The following RALGAPA1 variants were observed in gnomAD, a reference collection of about 807,000 sequenced individuals.
The protein encoded by RALGAPA1 is ral GTPase-activating protein subunit alpha-1.
In RALGAPA1, 52 loss-of-function variants were observed where a neutral mutation model predicts 269.6. The ratio of observed to expected loss-of-function variants is 0.19; its 90% CI spans 0.15 to 0.24. The LOEUF is 0.24. Among genes scored for constraint, RALGAPA1 ranks in the 10% least tolerant of loss-of-function variants. RALGAPA1 has a pLI of 1.00. For synonymous variants in RALGAPA1, 817 were observed against 1,008.3 expected (o/e 0.81, Z 3.60); for missense variants, 1,917 against 3,013.9 (o/e 0.64, Z 8.52).
At chr14:35,648,251 T>C (rs1463301694) in intron 31 of RALGAPA1, among the ~76,000 whole-genome samples, 1 of 151,632 alleles carries the variant, frequency 6.6e-6, no homozygotes, top group Non-Finnish European at 1.5e-5. Flanking sequence ...GAGCCGAGAT[T>C]GTGCCACTAC....
At chr14:35,768,488 G>C (rs2074329536) in intron 4 of RALGAPA1, among the ~76,000 whole-genome samples, 2 of 151,946 alleles carry the variant, frequency 1.3e-5, no homozygotes, top group African/African-American at 4.8e-5. Flanking sequence ...CCGGAGGTTT[G>C]AGACCAGCCT....
intron 17 of RALGAPA1, 90 bp from the exon 18 acceptor site, chr14:35,690,093 T>C: frequency 1.0e-6 from 1 of 966,458 alleles, no homozygotes; most frequent in Non-Finnish European, 1.5e-6. Context: ...GCATATGCTT[T>C]AAAAAAAATC....
intron 11 of RALGAPA1, among the ~76,000 whole-genome samples, chr14:35,741,639 G>A (rs931600153): frequency 8.5e-5 from 13 of 152,060 alleles, no homozygotes; most frequent in Admixed American, 7.9e-4. Flanking sequence ...TGTATCAATC[G>A]CAGACAACTT....
Position 35,756,882 on chromosome 14 carries a change from G to A in RALGAPA1, c.574C>T (p.Pro192Ser). 6.2e-7 allele frequency: 1 copy of A among 1,610,762 alleles called. No homozygotes were observed. The highest frequency in any genetic ancestry group is 8.5e-7 in the Non-Finnish European group (1 of 1,178,328). Residue 192 changes from proline to serine, a missense_variant, in exon 7 of 42, where the codon CCT becomes TCT. Around this residue, in one of 11 missense-constraint regions of RALGAPA1, gnomAD observed 462 missense variants for 725.6 expected, o/e 0.64. Transcript: ENST00000680220. ...TCTCCTGATTGTGGGGGGACAAGAG[G>A]AGTGATTTCTTCTATAGTGACTTGA... ...ETQVTIEEITPLVPPQSGDKG... is the reference protein window; with the variant it reads ...ETQVTIEEITSLVPPQSGDKG...
At chr14:35,664,333 A>C (rs2063764024) in intron 27 of RALGAPA1, among the ~76,000 whole-genome samples, 1 of 152,230 alleles carries the variant, frequency 6.6e-6, no homozygotes, top group Non-Finnish European at 1.5e-5. Context: ...TTAATCTCAG[A>C]AGCTTTACAT....
At chr14:35,629,282 G>T (rs74041558) in intron 33 of RALGAPA1, among the ~76,000 whole-genome samples, 689 of 145,428 alleles carry the variant, frequency 4.7e-3, no homozygotes, top group African/African-American at 0.016. Context: ...ATGTTTAGGG[G>T]GTGTGTGTGT....
intron 25 of RALGAPA1, 105 bp downstream of exon 25, chr14:35,672,760 GGA>G (rs752633683): frequency 9.6e-7 from 1 of 1,039,118 alleles, no homozygotes; most frequent in Non-Finnish European, 1.3e-6. Context: ...TAAATAAGGG[GGA>G]GAGTTTAACT....
At chr14:35,657,184 T>C (rs181579966) in intron 28 of RALGAPA1, among the ~76,000 whole-genome samples, 79 of 151,824 alleles carry the variant, frequency 5.2e-4, no homozygotes, top group African/African-American at 1.8e-3. Flanking sequence ...TTTTTCTTTT[T>C]CTTTTTTCTT....
At chr14:35,660,432 G>A (rs956966153) in intron 27 of RALGAPA1, among the ~76,000 whole-genome samples, 4 of 151,792 alleles carry the variant, frequency 2.6e-5, no homozygotes, top group African/African-American at 7.3e-5. Flanking sequence ...AAAATACTTA[G>A]GAATACGTAT....
At chr14:35,575,938 A>T (rs528809888) in intron 37 of RALGAPA1, among the ~76,000 whole-genome samples, 1 of 152,308 alleles carries the variant, frequency 6.6e-6, no homozygotes, top group African/African-American at 2.4e-5. Flanking sequence ...ACATCTTAAT[A>T]CTAAGCTAAA....
intron 37 of RALGAPA1, 49 bp downstream of exon 37, chr14:35,595,585 C>CT: frequency 5.3e-6 from 8 of 1,497,632 alleles, no homozygotes; most frequent in Non-Finnish European, 7.4e-6. Flanking sequence ...TCTGTATTAA[C>CT]TGTCTCAATT....
chr14:35,594,227 C>T (rs1372641181), intron 37 of RALGAPA1, among the ~76,000 whole-genome samples: 1 of 152,048 alleles, frequency 6.6e-6, no homozygotes, highest in East Asian at 1.9e-4. Context: ...ATTTTTTGGA[C>T]ATCACACCAA....
At chr14:35,678,380 T>C (rs1431037191) in intron 21 of RALGAPA1, among the ~76,000 whole-genome samples, 1 of 152,160 alleles carries the variant, frequency 6.6e-6, no homozygotes, top group African/African-American at 2.4e-5. Flanking sequence ...TACTCCCATT[T>C]CTGGCCCAGC....
At chr14:35,708,188 A>G (rs935430296) in intron 16 of RALGAPA1, among the ~76,000 whole-genome samples, 3 of 152,186 alleles carry the variant, frequency 2.0e-5, no homozygotes, top group African/African-American at 7.2e-5. Flanking sequence ...ACTCTCCAGG[A>G]CAATGAAGCA....
intron 12 of RALGAPA1, among the ~76,000 whole-genome samples, chr14:35,735,440 T>C (rs2070888891): frequency 6.6e-6 from 1 of 152,178 alleles, no homozygotes; most frequent in African/African-American, 2.4e-5. Flanking sequence ...ACTATTATTC[T>C]AAGTGAAGTA....
intron 31 of RALGAPA1, among the ~76,000 whole-genome samples, chr14:35,642,616 C>T (rs7147600): frequency 0.33 from 50,724 of 151,934 alleles, 11,371 homozygotes; most frequent in African/African-American, 0.63. Flanking sequence ...TCAGTTAAAA[C>T]GGGTTTTATC....
intron 1 of RALGAPA1, among the ~76,000 whole-genome samples, chr14:35,802,810 T>TGACTGGGATCCCAGGC (rs932456081): frequency 8.6e-5 from 13 of 151,912 alleles, no homozygotes; most frequent in African/African-American, 3.1e-4. Context: ...GCCTCCCAGG[T>TGACTGGGATCCCAGGC]GACTGGGATC....
Position 35,684,959 on chromosome 14 carries a change from C to A in RALGAPA1, c.4264G>T (p.Ala1422Ser). Residue 1422 changes from alanine (A) to serine (S), a missense_variant, in exon 20 of 42, where the codon GCT becomes TCT. By Grantham distance (99) the Ala-to-Ser change is moderately conservative. Coordinates refer to ENST00000680220, the MANE Select transcript of RALGAPA1 (RefSeq NM_001346249.2). ...SSDSHSDSFS[A>S]FQYDGRKFDN... ...AATTTTCGGCCATCATATTGGAAAGCGCTGAAAGAATCCGAATGACTATCT... is the reference window on the plus strand; with the variant it reads ...AATTTTCGGCCATCATATTGGAAAGAGCTGAAAGAATCCGAATGACTATCT... The A allele has an allele frequency of 6.2e-7, 1 of 1,613,282 alleles. No homozygotes were observed. Among genetic ancestry groups the A allele is most frequent in the East Asian group, 2.2e-5 (1 of 44,848 alleles).
chr14:35,720,147 A>G (rs777827671), intron 16 of RALGAPA1, among the ~76,000 whole-genome samples: 6 of 152,218 alleles, frequency 3.9e-5, no homozygotes, highest in Non-Finnish European at 8.8e-5. Flanking sequence ...TAGGATTCCA[A>G]AAAGTAATTT....
Sources: allele counts gnomAD v4.1 joint callset (sites outside exome capture counted in the v4.1 genomes callset), GRCh38; gene constraint gnomAD v4.1.1; regional missense constraint gnomAD v4.1.1; transcripts MANE v1.5; gene names NCBI Gene and HGNC (gene_info 2026-07-23, HGNC 2026-07-21).